Variants in DNAI7 observed in about 807,000 individuals in gnomAD.
The protein encoded by DNAI7 is dynein axonemal intermediate chain 7.
Under a neutral mutation model 86.6 loss-of-function variants are expected in DNAI7, and 78 were observed. The observed-to-expected ratio is 0.90, with a 90% CI of 0.75 to 1.09. DNAI7 has a LOEUF of 1.09. Among genes scored for constraint, DNAI7 ranks in the 50% least tolerant of loss-of-function variants. The pLI is 0.00. For missense variants in DNAI7, 753 were observed against 810.2 expected (o/e 0.93, Z 0.86); for synonymous variants, 274 against 273.0 (o/e 1.00, Z -0.04).
downstream of DNAI7, chr12:25,107,128 A>C (rs1184486375): frequency 2.8e-5 from 18 of 648,876 alleles, no homozygotes; most frequent in Non-Finnish European, 4.0e-5. Context: ...TATTAATCCT[A>C]ATCAAATTAC....
chr12:25,170,048 A>G (rs1342917072), intron 2 of DNAI7, among the ~76,000 whole-genome samples: 1 of 152,070 alleles, frequency 6.6e-6, no homozygotes, highest in African/African-American at 2.4e-5. Context: ...ATAAACTTTA[A>G]AGCAACAGTG....
At chr12:25,151,921 A>T (rs889170713) in intron 6 of DNAI7, among the ~76,000 whole-genome samples, 1 of 152,200 alleles carries the variant, frequency 6.6e-6, no homozygotes, top group Non-Finnish European at 1.5e-5. Context: ...AACATGAAGA[A>T]GTTAAACTAT....
intron 2 of DNAI7, among the ~76,000 whole-genome samples, chr12:25,174,480 T>TATATATCCC (rs1948627784): frequency 1.1e-5 from 1 of 89,312 alleles, no homozygotes; most frequent in African/African-American, 4.4e-5. Context: ...ATATATGGGA[T>TATATATCCC]ATATATATCA....
chr12:25,189,630 A>C (rs572337073), intron 2 of DNAI7, among the ~76,000 whole-genome samples: 1 of 152,220 alleles, frequency 6.6e-6, no homozygotes, highest in Non-Finnish European at 1.5e-5. Flanking sequence ...TGTCAGAGTG[A>C]GACCCTGTCT....
intron 2 of DNAI7, among the ~76,000 whole-genome samples, chr12:25,161,444 T>C (rs1156986842): frequency 1.3e-5 from 2 of 152,188 alleles, no homozygotes; most frequent in African/African-American, 4.8e-5. Flanking sequence ...GGCAAGTACA[T>C]GCAATTTAAA....
At chr12:25,114,230 C>T (rs1010619131) in intron 13 of DNAI7, among the ~76,000 whole-genome samples, 8 of 152,254 alleles carry the variant, frequency 5.3e-5, no homozygotes, top group South Asian at 2.1e-4. Flanking sequence ...TGAGCCACTG[C>T]GCTCGGCCCA....
intron 9 of DNAI7, among the ~76,000 whole-genome samples, chr12:25,133,678 A>C (rs1943202623): frequency 6.6e-6 from 1 of 152,208 alleles, no homozygotes; most frequent in South Asian, 2.1e-4. Flanking sequence ...TGGGGTTTTC[A>C]GCAGAAGGAT....
intron 5 of DNAI7, 93 bp from the exon 6 acceptor site, chr12:25,154,549 G>A (rs1225882451): frequency 7.7e-7 from 1 of 1,294,424 alleles, no homozygotes. Flanking sequence ...TTATAACCTA[G>A]TTTAACCAAC....
At chr12:25,183,995 G>T (rs1258483079) in intron 2 of DNAI7, among the ~76,000 whole-genome samples, 1 of 152,018 alleles carries the variant, frequency 6.6e-6, no homozygotes, top group African/African-American at 2.4e-5. Flanking sequence ...CAACAAATAT[G>T]CCTTCTATAT....
intron 3 of DNAI7, among the ~76,000 whole-genome samples, chr12:25,160,773 G>C (rs905138582): frequency 6.6e-6 from 1 of 152,172 alleles, no homozygotes; most frequent in African/African-American, 2.4e-5. Context: ...TTCTTTTGCG[G>C]CACCAAAACT....
At chr12:25,107,049 G>T, downstream of DNAI7, 1 of 1,546,594 alleles carries the variant, frequency 6.5e-7, no homozygotes, top group Non-Finnish European at 8.9e-7. Flanking sequence ...TGTCTCTTCA[G>T]TGTAAGTTAT....
At chr12:25,115,542 A>AAG (rs1565628327) in intron 12 of DNAI7, among the ~76,000 whole-genome samples, 4 of 151,792 alleles carry the variant, frequency 2.6e-5, no homozygotes, top group African/African-American at 7.3e-5. Flanking sequence ...ACATTTCACC[A>AAG]AAGAGATATG....
intron 7 of DNAI7, among the ~76,000 whole-genome samples, chr12:25,149,126 C>G (rs1204876623): frequency 2.0e-5 from 3 of 152,098 alleles, no homozygotes; most frequent in Non-Finnish European, 4.4e-5. Flanking sequence ...GCTGGGACAA[C>G]AGGCAAACCA....
chr12:25,144,544 G>A lies in DNAI7; in HGVS notation c.823C>T (p.Pro275Ser). 6.2e-7 allele frequency: 1 copy of A among 1,614,040 alleles called. No individual in the cohort carries two copies. The change falls in exon 9 of 16, where the codon CCA becomes TCA. Residue 275 changes from proline to serine, a missense_variant. Transcript: ENST00000395987. ...HVSALHPVSTPSKEYTSAVTE... is the reference protein window; with the variant it reads ...HVSALHPVSTSSKEYTSAVTE... Reference sequence around the variant, plus strand: ...ACTGCAGAAGTGTATTCTTTTGATGGTGTTGAAACAGGGTGCAGTGCAGAA... The same window carrying A: ...ACTGCAGAAGTGTATTCTTTTGATGATGTTGAAACAGGGTGCAGTGCAGAA...
At chr12:25,129,998 G>A (rs923227324) in intron 9 of DNAI7, among the ~76,000 whole-genome samples, 7 of 151,840 alleles carry the variant, frequency 4.6e-5, no homozygotes, top group African/African-American at 1.7e-4. Context: ...CCGATCTCAG[G>A]TGATCCCCCT....
intron 9 of DNAI7, among the ~76,000 whole-genome samples, chr12:25,126,502 G>GA (rs145640093): frequency 0.014 from 2,182 of 152,166 alleles, 103 homozygotes; most frequent in East Asian, 0.12. Flanking sequence ...AGATGATAAG[G>GA]AATTAAAAGC....
chr12:25,154,255 T>C, intron 6 of DNAI7, 64 bp downstream of exon 6: 1 of 1,346,972 alleles, frequency 7.4e-7, no homozygotes. Context: ...TATTAATTTT[T>C]ATTTTGAGTT....
intron 12 of DNAI7, among the ~76,000 whole-genome samples, chr12:25,116,338 A>G (rs1940091688): frequency 6.6e-6 from 1 of 152,176 alleles, no homozygotes; most frequent in Non-Finnish European, 1.5e-5. Context: ...GTTATTACCT[A>G]TAAATAAATT....
intron 2 of DNAI7, among the ~76,000 whole-genome samples, chr12:25,176,344 G>T (rs1452304514): frequency 2.0e-5 from 3 of 151,880 alleles, no homozygotes; most frequent in African/African-American, 7.2e-5. Flanking sequence ...TAAAAATTCT[G>T]TTCTAGATTG....
Sources: allele counts gnomAD v4.1 joint callset (sites outside exome capture counted in the v4.1 genomes callset), GRCh38; gene constraint gnomAD v4.1.1; transcripts MANE v1.5; gene names NCBI Gene and HGNC (gene_info 2026-07-23, HGNC 2026-07-21).